MIR2052HG: variants seen among roughly 807,000 people sequenced by gnomAD.
MIR2052HG encodes the protein MIR2052 host gene.
Position 74,693,079 on chromosome 8 carries a change from A to G in MIR2052HG, n.217-9300A>G, listed in dbSNP as rs1809255978. 1.3e-5 allele frequency among the ~76,000 whole-genome samples: 2 copies of G among 152,342 alleles called. 1 individual carries two copies. The highest frequency in any genetic ancestry group is 4.1e-4 in the South Asian group (2 of 4,828). ...TATAATCTGGTGGCAGACACATGGT[A>G]TGTGGCGTCAGAAAACACAGACTGA... On this transcript the variant is annotated intron_variant and non_coding_transcript_variant, in intron 2 of 6. Transcript: ENST00000523442.
chr8:74,624,728 G>A (rs151233939), intron 2 of MIR2052HG, among the ~76,000 whole-genome samples: 1 of 152,204 alleles, frequency 6.6e-6, no homozygotes, highest in Admixed American at 6.5e-5. Flanking sequence ...TGGCACTTGT[G>A]CATTTATTTG....
At chr8:74,690,350 A>G (rs959759180) in intron 2 of MIR2052HG, among the ~76,000 whole-genome samples, 3 of 152,184 alleles carry the variant, frequency 2.0e-5, no homozygotes, top group Non-Finnish European at 2.9e-5. Flanking sequence ...GGAGAGGAGG[A>G]TTCCAGATTG....
chr8:74,645,288 CT>C (rs1184162899), intron 2 of MIR2052HG, among the ~76,000 whole-genome samples: 370 of 143,990 alleles, frequency 2.6e-3, no homozygotes, highest in Middle Eastern at 0.015. Flanking sequence ...TCTTTTCTTT[CT>C]TTTTTTTTTT....
At chr8:74,635,196 T>C (rs77280925) in intron 2 of MIR2052HG, among the ~76,000 whole-genome samples, 6,555 of 152,142 alleles carry the variant, frequency 0.043, 224 homozygotes, top group Non-Finnish European at 0.053. Flanking sequence ...TGGGTACCTA[T>C]TATGTGCAAA....
chr8:74,739,851 A>G (rs944875203), intron 4 of MIR2052HG, among the ~76,000 whole-genome samples: 5 of 152,158 alleles, frequency 3.3e-5, no homozygotes, highest in Non-Finnish European at 4.4e-5. Flanking sequence ...AGCTCTGGTT[A>G]TATTTACCAT....
intron 2 of MIR2052HG, among the ~76,000 whole-genome samples, chr8:74,679,543 T>G (rs904047503): frequency 3.8e-4 from 57 of 149,112 alleles, no homozygotes; most frequent in African/African-American, 1.3e-3. Flanking sequence ...TTATTATTAT[T>G]ATTATTATTA....
chr8:74,655,638 G>C (rs1404499492), intron 2 of MIR2052HG, among the ~76,000 whole-genome samples: 2 of 152,208 alleles, frequency 1.3e-5, no homozygotes, highest in African/African-American at 4.8e-5. Context: ...ATGCTTGGAT[G>C]CCCAGGCAAA....
intron 2 of MIR2052HG, among the ~76,000 whole-genome samples, chr8:74,618,134 C>T (rs73687178): frequency 1.0e-3 from 153 of 152,306 alleles, no homozygotes; most frequent in African/African-American, 3.5e-3. Flanking sequence ...CCAATTCCAT[C>T]GCTTTAAGCA....
intron 4 of MIR2052HG, among the ~76,000 whole-genome samples, chr8:74,726,211 A>G (rs1335471333): frequency 6.6e-6 from 1 of 152,092 alleles, no homozygotes; most frequent in Non-Finnish European, 1.5e-5. Context: ...AAAAGAATTA[A>G]TCTTGATAGT....
chr8:74,707,183 T>A (rs1326594618), intron 4 of MIR2052HG, among the ~76,000 whole-genome samples: 5 of 152,114 alleles, frequency 3.3e-5, no homozygotes, highest in African/African-American at 1.2e-4. Context: ...GCTCTTACCA[T>A]CTGATCTAAA....
chr8:74,606,801 G>A (rs934590441), intron 1 of MIR2052HG, among the ~76,000 whole-genome samples: 1 of 106,036 alleles, frequency 9.4e-6, no homozygotes, highest in Non-Finnish European at 2.2e-5. Flanking sequence ...ATCTGCTCAT[G>A]CACCCCTGAA....
intron 1 of MIR2052HG, among the ~76,000 whole-genome samples, chr8:74,608,025 G>T (rs905291430): frequency 4.6e-5 from 7 of 152,186 alleles, no homozygotes; most frequent in African/African-American, 1.7e-4. Context: ...TTGTAAAGGT[G>T]TCCAAAAACT....
chr8:74,612,963 G>GCT (rs1230304571), intron 2 of MIR2052HG: 3 of 455,762 alleles, frequency 6.6e-6, no homozygotes, highest in African/African-American at 4.0e-5. Flanking sequence ...TTTGAGTGCA[G>GCT]CTGCACTGTG....
At chr8:74,738,129 G>GTATC (rs755697676) in intron 4 of MIR2052HG, among the ~76,000 whole-genome samples, 8,558 of 81,750 alleles carry the variant, frequency 0.1, 406 homozygotes, top group African/African-American at 0.16. Context: ...ATGTATGTAT[G>GTATC]TATGTATCTA....
At chr8:74,696,851 C>T (rs1044881118) in intron 2 of MIR2052HG, among the ~76,000 whole-genome samples, 3 of 151,796 alleles carry the variant, frequency 2.0e-5, no homozygotes, top group African/African-American at 7.3e-5. Context: ...AAAAAAAAGT[C>T]CAGGACCAGA....
intron 4 of MIR2052HG, among the ~76,000 whole-genome samples, chr8:74,739,020 A>C (rs1173893712): frequency 6.6e-6 from 1 of 152,228 alleles, no homozygotes; most frequent in African/African-American, 2.4e-5. Flanking sequence ...TTGAGGTTAT[A>C]AAGTTTTTAA....
intron 2 of MIR2052HG, among the ~76,000 whole-genome samples, chr8:74,672,092 C>T (rs550343251): frequency 3.3e-5 from 5 of 152,170 alleles, no homozygotes; most frequent in Admixed American, 1.3e-4. Context: ...AATATGGCTA[C>T]CCAGTAAAGA....
At chr8:74,651,822 C>A (rs533262290) in intron 2 of MIR2052HG, among the ~76,000 whole-genome samples, 1 of 152,062 alleles carries the variant, frequency 6.6e-6, no homozygotes, top group African/African-American at 2.4e-5. Flanking sequence ...TCTGAACCAG[C>A]GAGAAGCACA....
At chr8:74,664,113 A>G (rs1808894787) in intron 2 of MIR2052HG, among the ~76,000 whole-genome samples, 2 of 152,092 alleles carry the variant, frequency 1.3e-5, no homozygotes, top group South Asian at 4.2e-4. Context: ...TGGACTTTGG[A>G]GACTCAGAAG....
Sources: allele counts gnomAD v4.1 joint callset (sites outside exome capture counted in the v4.1 genomes callset), GRCh38; gene constraint gnomAD v4.1.1; transcripts MANE v1.5; gene names NCBI Gene and HGNC (gene_info 2026-07-23, HGNC 2026-07-21).